CCDC47: variants seen among roughly 807,000 people sequenced by gnomAD.
CCDC47 encodes coiled-coil domain containing 47.
CCDC47 carries 41 observed loss-of-function variants against 60.5 expected under a neutral mutation model. The ratio of observed to expected loss-of-function variants is 0.68; its 90% CI spans 0.53 to 0.88. The LOEUF is 0.88. Ranked by LOEUF, CCDC47 falls within the 40% of genes least tolerant of loss-of-function variation. The pLI, the probability that CCDC47 is intolerant of heterozygous loss-of-function variation, is 0.00. For synonymous variants in CCDC47, 195 were observed against 190.7 expected, an observed-to-expected ratio of 1.02 and a Z score of -0.18; for missense variants, 513 against 580.9, an observed-to-expected ratio of 0.88 and a Z score of 1.20.
intron 1 of CCDC47, among the ~76,000 whole-genome samples, chr17:63,771,045 G>GAAGGAAGGAAGAAAGAAAGA (rs759971442): frequency 0.066 from 6,366 of 97,048 alleles, 302 homozygotes; most frequent in South Asian, 0.13. Context: ...AGGAAGGAAG[G>GAAGGAAGGAAGAAAGAAAGA]AAGAAAGAAA....
intron 4 of CCDC47, among the ~76,000 whole-genome samples, chr17:63,763,435 G>A (rs1343098713): frequency 6.6e-6 from 1 of 152,154 alleles, no homozygotes; most frequent in African/African-American, 2.4e-5. Flanking sequence ...TAAGATGGAA[G>A]GATCTCTTGA....
chr17:63,769,846 T>A (rs1315433862), intron 1 of CCDC47, among the ~76,000 whole-genome samples: 1 of 152,138 alleles, frequency 6.6e-6, no homozygotes, highest in Non-Finnish European at 1.5e-5. Context: ...CTGGGTCACA[T>A]GCGGCCTGCA....
rs1049205067 is a variant in CCDC47 at position 63,745,381 on chromosome 17, A to T, written c.*1500T>A. ...TTTTCTTACTCAAAAGATAACTAAG[A>T]CTATCAACTTTGATTTCTAAAATGT... On this transcript the variant is annotated 3_prime_UTR_variant, in exon 13 of 13. Coordinates refer to ENST00000225726, the MANE Select transcript of CCDC47 (RefSeq NM_020198.3). 1.3e-5 allele frequency: 2 copies of T among 152,654 alleles called. No individual in the cohort carries two copies. Among genetic ancestry groups the T allele is most frequent in the African/African-American group, 4.8e-5 (2 of 41,464 alleles). 9.5% of individuals were successfully genotyped at this position (152,654 alleles called of 1,614,324 possible).
At chr17:63,772,476 A>G (rs1402219470) in intron 1 of CCDC47, among the ~76,000 whole-genome samples, 1 of 151,910 alleles carries the variant, frequency 6.6e-6, no homozygotes, top group Non-Finnish European at 1.5e-5. Context: ...GATGGTCTCG[A>G]TCTCCTGACC....
At chr17:63,771,215 G>T (rs897228794) in intron 1 of CCDC47, among the ~76,000 whole-genome samples, 4 of 151,504 alleles carry the variant, frequency 2.6e-5, no homozygotes, top group Non-Finnish European at 5.9e-5. Context: ...AGATTTGGAG[G>T]CAAGAACAGT....
intron 1 of CCDC47, among the ~76,000 whole-genome samples, chr17:63,773,112 T>C (rs2039363411): frequency 6.6e-6 from 1 of 152,172 alleles, no homozygotes; most frequent in South Asian, 2.1e-4. Flanking sequence ...TACAAACACG[T>C]TTCATTTTAG....
chr17:63,761,111 CT>C, intron 5 of CCDC47, 118 bp downstream of exon 5: 1 of 1,438,402 alleles, frequency 7.0e-7, no homozygotes, highest in Non-Finnish European at 9.7e-7. Flanking sequence ...ATAAATATCA[CT>C]TTTAGACCTC....
At chr17:63,762,786 C>T (rs2039270173) in intron 4 of CCDC47, among the ~76,000 whole-genome samples, 1 of 152,164 alleles carries the variant, frequency 6.6e-6, no homozygotes, top group Non-Finnish European at 1.5e-5. Context: ...ATCAAGCTAC[C>T]TAAAATGTCA....
intron 4 of CCDC47, chr17:63,761,565 C>T (rs2039261473): frequency 5.9e-6 from 2 of 337,318 alleles, no homozygotes; most frequent in Admixed American, 4.4e-5. Context: ...GGCATGGTGG[C>T]GCGTACCTGT....
At chr17:63,770,584 G>A (rs1342355486) in intron 1 of CCDC47, among the ~76,000 whole-genome samples, 1 of 152,182 alleles carries the variant, frequency 6.6e-6, no homozygotes, top group Non-Finnish European at 1.5e-5. Context: ...CTCTGAGATG[G>A]AGAATATTCT....
chr17:63,766,165 A>G lies in CCDC47; in HGVS notation c.11T>C (p.Phe4Ser). The G allele has an allele frequency of 6.2e-7, 1 of 1,609,954 alleles. No homozygotes were observed. The highest frequency in any genetic ancestry group is 8.5e-7 in the Non-Finnish European group (1 of 1,178,700). Residue 4 changes from phenylalanine (F) to serine (S), a missense_variant, in exon 2 of 13, where the codon TTC becomes TCC. Coordinates refer to ENST00000225726, the MANE Select transcript of CCDC47 (RefSeq NM_020198.3). MKA[F>S]HTFCVVLLVF... ...CAGAAGGACAACACAGAAAGTGTGG[A>G]AGGCTTTCATTGCACCTTGAGAAAA...
intron 12 of CCDC47, among the ~76,000 whole-genome samples, chr17:63,751,220 T>G (rs1337654267): frequency 6.6e-6 from 1 of 150,886 alleles, no homozygotes; most frequent in African/African-American, 2.4e-5. Flanking sequence ...GGTCTAAAAT[T>G]TAGAGCTGAG....
intron 10 of CCDC47, 99 bp downstream of exon 10, chr17:63,752,642 T>C (rs2039175814): frequency 1.6e-6 from 2 of 1,256,218 alleles, no homozygotes; most frequent in Non-Finnish European, 1.1e-6. Flanking sequence ...GCTTATAGTT[T>C]TGACGTAGTT....
At chr17:63,761,029 T>C (rs1470150523) in intron 5 of CCDC47, 50 bp from the exon 6 acceptor site, 1 of 1,503,242 alleles carries the variant, frequency 6.7e-7, no homozygotes, top group South Asian at 1.2e-5. Flanking sequence ...TCCTACTTAG[T>C]ATAAAAAAAA....
intron 3 of CCDC47, 65 bp from the exon 4 acceptor site, chr17:63,764,255 C>T: frequency 8.3e-7 from 1 of 1,205,520 alleles, no homozygotes. Flanking sequence ...TACCTCATGG[C>T]AGGAAGAATG....
chr17:63,764,506 T>C (rs370053130), intron 3 of CCDC47, among the ~76,000 whole-genome samples: 1 of 152,096 alleles, frequency 6.6e-6, no homozygotes, highest in East Asian at 1.9e-4. Flanking sequence ...TATTCCCTGA[T>C]AAGTAGTAAA....
chr17:63,765,587 G>C (rs1361837486), intron 2 of CCDC47: 2 of 499,408 alleles, frequency 4.0e-6, no homozygotes, highest in African/African-American at 2.1e-5. Flanking sequence ...TGATCTGCCT[G>C]CCTTGGCCTC....
intron 10 of CCDC47, 120 bp from the exon 11 acceptor site, chr17:63,752,549 A>T: frequency 1.3e-6 from 1 of 768,744 alleles, no homozygotes; most frequent in Non-Finnish European, 2.0e-6. Flanking sequence ...TTAGGCAGTT[A>T]AAATGCAGCA....
At chr17:63,770,388 G>A (rs2039329086) in intron 1 of CCDC47, among the ~76,000 whole-genome samples, 1 of 152,122 alleles carries the variant, frequency 6.6e-6, no homozygotes, top group Non-Finnish European at 1.5e-5. Flanking sequence ...GGTATGATAG[G>A]ACATTGGGTT....
Sources: gnomAD v4.1 joint callset for allele counts (sites outside exome capture counted in the v4.1 genomes callset) on GRCh38, gnomAD v4.1.1 for gene constraint, MANE v1.5 for transcripts, NCBI Gene and HGNC (gene_info 2026-07-23, HGNC 2026-07-21) for gene names.